The following SYT14 variants were observed in gnomAD, a reference collection of about 807,000 sequenced individuals.
SYT14 encodes synaptotagmin-14.
A neutral mutation model predicts 74.2 loss-of-function variants in SYT14; 32 were observed. The observed-to-expected ratio is 0.43, with a 90% CI of 0.33 to 0.58. SYT14 has a LOEUF of 0.58. Ranked by LOEUF, SYT14 falls within the 20% of genes least tolerant of loss-of-function variation. SYT14 has a pLI of 0.05. For missense variants in SYT14, 791 were observed against 981.8 expected (o/e 0.81, Z 2.60); for synonymous variants, 298 against 337.7 (o/e 0.88, Z 1.29).
At chr1:210,150,845 A>G (rs1279988108) in intron 7 of SYT14, among the ~76,000 whole-genome samples, 2 of 152,320 alleles carry the variant, frequency 1.3e-5, no homozygotes, top group East Asian at 3.9e-4. Flanking sequence ...TAATATTAAT[A>G]AAAAGCCCAG....
chr1:210,100,571 C>G (rs898704613), intron 7 of SYT14, 110 bp downstream of exon 6: 1 of 1,053,994 alleles, frequency 9.5e-7, no homozygotes, highest in Non-Finnish European at 1.4e-6. Flanking sequence ...TATTTTTTTA[C>G]ATAGTAATCA....
rs35639848 is a variant in SYT14, at chr1:209,970,662, C to CTTTTTTTTTTT, written c.-486+17935_-486+17945dup. Among the ~76,000 whole-genome samples the CTTTTTTTTTTT allele has an allele frequency of 9.6e-4, 60 of 62,804 alleles. 17 individuals are homozygous for CTTTTTTTTTTT. Among genetic ancestry groups the CTTTTTTTTTTT allele is most frequent in the East Asian group, 3.2e-3 (4 of 1,248 alleles). The allele number at this position is 62,804 out of a possible 152,430, so 41.2% of individuals were successfully genotyped here. A position where few individuals can be genotyped will look rare whatever the true frequency, so the allele number is the denominator to read the frequency against. Reference sequence around the variant, plus strand: ...TTACAGATTGCTTTGGGCAGTATGGCTTTTTTTTTTTTTTTTTTTTTTTTT... The same window carrying CTTTTTTTTTTT: ...TTACAGATTGCTTTGGGCAGTATGGCTTTTTTTTTTTTTTTTTTTTTTTTTTTTTTTTTTTT... On this transcript the variant is annotated intron_variant, in intron 2 of 9. Transcript: ENST00000637265.
chr1:210,164,240 CAAT>C (rs1362894886), exon 10 of SYT14: 4 of 269,414 alleles, frequency 1.5e-5, no homozygotes, highest in South Asian at 7.8e-5. Flanking sequence ...AGTGAATTCT[CAAT>C]AATGTTGTAT....
chr1:210,070,405 T>C (rs143994028), intron 5 of SYT14, among the ~76,000 whole-genome samples: 5 of 152,226 alleles, frequency 3.3e-5, no homozygotes, highest in Non-Finnish European at 7.4e-5. Flanking sequence ...ATGTTATGGA[T>C]TCATTGTAGT....
chr1:210,037,531 T>G lies in SYT14; in HGVS notation c.1312+16277T>G, dbSNP rs1280563464. Among the ~76,000 whole-genome samples the G allele has an allele frequency of 1.2e-3, 39 of 31,768 alleles. No individual in the cohort carries two copies. The African/African-American group carries it at 0.022, about 18-fold the overall frequency. 20.8% of individuals were successfully genotyped at this position (31,768 alleles called of 152,430 possible). A position where few individuals can be genotyped will look rare whatever the true frequency, so the allele number is the denominator to read the frequency against. ...GGTTGGTGATTTGTGATTTTTCTGT[T>G]TTTTTTTTTTTTATTGTTGTTGTTG... On this transcript the variant is annotated intron_variant, in intron 5 of 9. Coordinates refer to ENST00000637265, the Ensembl canonical transcript of SYT14.
chr1:210,028,001 A>G (rs2080451120), intron 5 of SYT14, among the ~76,000 whole-genome samples: 1 of 152,034 alleles, frequency 6.6e-6, no homozygotes, highest in African/African-American at 2.4e-5. Context: ...CCACTATTCC[A>G]TCTCTAGGAT....
intron 2 of SYT14, among the ~76,000 whole-genome samples, chr1:209,994,090 A>G (rs1572129242): frequency 1.3e-5 from 2 of 152,166 alleles, no homozygotes; most frequent in South Asian, 2.1e-4. Flanking sequence ...CAAAAAGCCA[A>G]AGTGTCCCCC....
intron 7 of SYT14, among the ~76,000 whole-genome samples, chr1:210,116,331 T>TG: frequency 6.6e-6 from 1 of 152,262 alleles, no homozygotes; most frequent in Non-Finnish European, 1.5e-5. Flanking sequence ...TTATTGAACT[T>TG]GTTTTGTTTT....
intron 2 of SYT14, among the ~76,000 whole-genome samples, chr1:209,983,058 G>A (rs540640452): frequency 1.3e-5 from 2 of 150,524 alleles, no homozygotes; most frequent in Non-Finnish European, 3.0e-5. Context: ...TTTTTTTATT[G>A]TTGAGTTTTA....
chr1:210,064,628 G>A (rs1344703940), intron 5 of SYT14, among the ~76,000 whole-genome samples: 2 of 151,964 alleles, frequency 1.3e-5, no homozygotes, highest in Admixed American at 6.6e-5. Flanking sequence ...ATATTCTGCT[G>A]TATGTATATA....
At chr1:210,117,182 CTA>C (rs2082378260) in intron 7 of SYT14, among the ~76,000 whole-genome samples, 1 of 151,978 alleles carries the variant, frequency 6.6e-6, no homozygotes, top group Admixed American at 6.5e-5. Flanking sequence ...TCTAAAATTC[CTA>C]TGTGTCAGAA....
intron 5 of SYT14, among the ~76,000 whole-genome samples, chr1:210,051,777 CTT>C (rs35556230): frequency 0.34 from 52,000 of 151,914 alleles, 9,824 homozygotes; most frequent in Non-Finnish European, 0.42. Context: ...AAGCTCCTAA[CTT>C]ATATTCAGCC....
chr1:210,108,717 A>G (rs1242610723), intron 7 of SYT14, among the ~76,000 whole-genome samples: 1 of 152,180 alleles, frequency 6.6e-6, no homozygotes, highest in Non-Finnish European at 1.5e-5. Flanking sequence ...GAGTATTTTC[A>G]AGAGATTTAC....
exon 10 of SYT14, chr1:210,162,154 T>A (rs758111433): frequency 6.8e-6 from 3 of 438,874 alleles, no homozygotes; most frequent in South Asian, 4.8e-5. Context: ...AGTTATGAGA[T>A]TCCTTATGAA....
chr1:210,085,198 C>T (rs964452922), intron 5 of SYT14, among the ~76,000 whole-genome samples: 1 of 152,246 alleles, frequency 6.6e-6, no homozygotes, highest in African/African-American at 2.4e-5. Context: ...TCTAATTGAT[C>T]GAGTGTAGAA....
At chr1:210,060,915 A>G (rs1474630634) in intron 5 of SYT14, among the ~76,000 whole-genome samples, 2 of 152,066 alleles carry the variant, frequency 1.3e-5, no homozygotes, top group East Asian at 3.8e-4. Context: ...TCCTAATTAA[A>G]TTCAGGGCTT....
chr1:210,025,031 G>A (rs148483236), intron 5 of SYT14, among the ~76,000 whole-genome samples: 123 of 152,216 alleles, frequency 8.1e-4, no homozygotes, highest in African/African-American at 2.7e-3. Context: ...TACATTTGCC[G>A]CCTTCACTTT....
At chr1:210,142,558 T>C (rs958795526) in intron 7 of SYT14, among the ~76,000 whole-genome samples, 1 of 152,160 alleles carries the variant, frequency 6.6e-6, no homozygotes, top group Non-Finnish European at 1.5e-5. Context: ...GTCCATATGC[T>C]GGCATGGAGA....
At chr1:209,953,274 AG>A in intron 2 of SYT14, 1 of 1,285,072 alleles carries the variant, frequency 7.8e-7, no homozygotes, top group South Asian at 1.2e-5. Flanking sequence ...TTCAGTTACT[AG>A]GTGGGAGGCA....
Sources: allele counts gnomAD v4.1 joint callset (sites outside exome capture counted in the v4.1 genomes callset), GRCh38; gene constraint gnomAD v4.1.1; transcripts MANE v1.5; gene names NCBI Gene and HGNC (gene_info 2026-07-23, HGNC 2026-07-21).